The following NELL1 variants were observed in gnomAD, a reference collection of about 807,000 sequenced individuals.
NELL1 encodes neural EGFL like 1.
NELL1 carries 76 observed loss-of-function variants against 107.4 expected under a neutral mutation model. The ratio of observed to expected loss-of-function variants is 0.71; its 90% confidence interval spans 0.59 to 0.86. NELL1 has a LOEUF of 0.86. Among genes scored for constraint, NELL1 ranks in the 40% least tolerant of loss-of-function variants. The pLI is 0.00. For synonymous variants in NELL1, 353 were observed against 341.2 expected (o/e 1.03, Z -0.38); for missense variants, 1,024 against 1,005.5 (o/e 1.02, Z -0.25).
At chr11:21,479,153 G>A (rs957394004) in intron 15 of NELL1, among the ~76,000 whole-genome samples, 2 of 152,030 alleles carry the variant, frequency 1.3e-5, no homozygotes, top group African/African-American at 4.8e-5. Flanking sequence ...AGTAAAAATT[G>A]AGCTACCATA....
At chr11:21,537,772 T>C (rs1856174536) in intron 16 of NELL1, among the ~76,000 whole-genome samples, 1 of 152,162 alleles carries the variant, frequency 6.6e-6, no homozygotes, top group South Asian at 2.1e-4. Flanking sequence ...TTCAAAACTG[T>C]ATCAAATCAG....
chr11:21,009,564 G>C (rs1372654217), intron 12 of NELL1, among the ~76,000 whole-genome samples: 1 of 151,960 alleles, frequency 6.6e-6, no homozygotes, highest in Non-Finnish European at 1.5e-5. Flanking sequence ...CATTTCTTCT[G>C]CTTGAAATCA....
chr11:21,398,075 AT>A (rs1473571788), intron 15 of NELL1, among the ~76,000 whole-genome samples: 1 of 151,466 alleles, frequency 6.6e-6, no homozygotes, highest in East Asian at 1.9e-4. Context: ...TAAAATATGT[AT>A]TTGCAATTAC....
At chr11:20,865,695 G>A (rs1029912311) in intron 4 of NELL1, among the ~76,000 whole-genome samples, 1 of 152,136 alleles carries the variant, frequency 6.6e-6, no homozygotes, top group Non-Finnish European at 1.5e-5. Context: ...CTATTAGGTG[G>A]TTCTTTTTGG....
At chr11:20,991,925 G>A (rs533548253) in intron 12 of NELL1, among the ~76,000 whole-genome samples, 1 of 146,002 alleles carries the variant, frequency 6.8e-6, no homozygotes, top group Non-Finnish European at 1.5e-5. Context: ...AAGGTGACAG[G>A]TATTGTACAG....
chr11:21,487,447 A>T (rs757093564), intron 15 of NELL1, among the ~76,000 whole-genome samples: 10 of 146,262 alleles, frequency 6.8e-5, no homozygotes, highest in Non-Finnish European at 1.2e-4. Flanking sequence ...ACTAAAATTG[A>T]TTAAGGGAGC....
chr11:21,094,029 C>T (rs1360269025), intron 12 of NELL1, among the ~76,000 whole-genome samples: 1 of 152,198 alleles, frequency 6.6e-6, no homozygotes, highest in African/African-American at 2.4e-5. Context: ...AAAGTCTCAT[C>T]TGAGACAAGA....
rs140337527 is a variant in NELL1 at position 20,828,794 on chromosome 11, A to G, written c.336-18789A>G. On this transcript the variant is annotated intron_variant, in intron 3 of 19. Transcript: ENST00000357134. The stretch of plus-strand genomic sequence containing the variant: ...GTTCTTAAGTTTTCATTTTTCTGCA[A>G]CTGTGACAGGTAGAAGGTGGATTTC... Among the ~76,000 whole-genome samples, 709 of 152,290 alleles carry G rather than the reference A, an allele frequency of 4.7e-3. 9 individuals carry two copies. The highest frequency in any genetic ancestry group is 0.016 in the African/African-American group (679 of 41,560).
At chr11:21,437,584 C>T (rs1375497667) in intron 15 of NELL1, among the ~76,000 whole-genome samples, 1 of 152,190 alleles carries the variant, frequency 6.6e-6, no homozygotes, top group Non-Finnish European at 1.5e-5. Context: ...GTCTCGAACT[C>T]CCGACCTCAA....
intron 14 of NELL1, among the ~76,000 whole-genome samples, chr11:21,337,817 CTTCT>C (rs200451507): frequency 7.4e-4 from 24 of 32,388 alleles, no homozygotes; most frequent in African/African-American, 2.1e-3. Flanking sequence ...TCTTGCTTTC[CTTCT>C]TTCTTTCTTT....
chr11:21,099,949 G>A (rs1200005772), intron 12 of NELL1, among the ~76,000 whole-genome samples: 1 of 151,880 alleles, frequency 6.6e-6, no homozygotes, highest in Non-Finnish European at 1.5e-5. Context: ...CAAATCAATG[G>A]GATTTCAGTA....
chr11:20,672,904 T>G (rs1590194591), intron 1 of NELL1, among the ~76,000 whole-genome samples: 1 of 136,792 alleles, frequency 7.3e-6, no homozygotes. Context: ...CAGGCTGGAG[T>G]GCAGCGACAT....
At chr11:21,446,448 T>C (rs922314598) in intron 15 of NELL1, among the ~76,000 whole-genome samples, 1 of 152,170 alleles carries the variant, frequency 6.6e-6, no homozygotes, top group Non-Finnish European at 1.5e-5. Flanking sequence ...TACTGTAGTC[T>C]TCACAGTCTG....
At chr11:21,409,934 A>G (rs1480035890) in intron 15 of NELL1, among the ~76,000 whole-genome samples, 1 of 152,108 alleles carries the variant, frequency 6.6e-6, no homozygotes, top group East Asian at 1.9e-4. Context: ...GCAGGAAGAA[A>G]GAGAAACAAT....
chr11:21,210,887 G>A (rs1345673651), intron 13 of NELL1, among the ~76,000 whole-genome samples: 1 of 152,028 alleles, frequency 6.6e-6, no homozygotes, highest in African/African-American at 2.4e-5. Flanking sequence ...AGTTCTTCTT[G>A]ACCTGTCTAC....
chr11:20,960,991 A>G (rs1408281142), intron 12 of NELL1, among the ~76,000 whole-genome samples: 38 of 152,182 alleles, frequency 2.5e-4, no homozygotes, highest in Admixed American at 2.4e-3. Context: ...TTGACCTGAC[A>G]AGATCAGGTT....
At chr11:21,029,472 A>G (rs1363017001) in intron 12 of NELL1, among the ~76,000 whole-genome samples, 2 of 151,922 alleles carry the variant, frequency 1.3e-5, no homozygotes, top group Non-Finnish European at 2.9e-5. Context: ...CTCCCTCACA[A>G]TCCTGTTATC....
chr11:21,273,702 C>T (rs1471936811), intron 14 of NELL1, among the ~76,000 whole-genome samples: 3 of 152,222 alleles, frequency 2.0e-5, no homozygotes, highest in Admixed American at 6.5e-5. Context: ...AACAGCTGAT[C>T]TCTCGGCAGA....
chr11:20,958,104 C>G (rs1208995278), intron 11 of NELL1, among the ~76,000 whole-genome samples: 1 of 152,070 alleles, frequency 6.6e-6, no homozygotes, highest in Non-Finnish European at 1.5e-5. Context: ...TAGATTAAAA[C>G]TGAAAAATAC....
Sources: gnomAD v4.1 joint callset for allele counts (sites outside exome capture counted in the v4.1 genomes callset) on GRCh38, gnomAD v4.1.1 for gene constraint, MANE v1.5 for transcripts, NCBI Gene and HGNC (gene_info 2026-07-23, HGNC 2026-07-21) for gene names.